Variants in CNTN5 observed in about 807,000 individuals in gnomAD.
CNTN5 encodes contactin-5.
A neutral mutation model predicts 129.1 loss-of-function variants in CNTN5; 77 were observed. The observed-to-expected ratio is 0.60, with a 90% CI of 0.50 to 0.72. CNTN5 has a LOEUF of 0.72. Ranked by LOEUF, CNTN5 falls within the 30% of genes least tolerant of loss-of-function variation. CNTN5 has a pLI of 0.00. For missense variants in CNTN5, 1,478 were observed against 1,328.8 expected (o/e 1.11, Z -1.75); for synonymous variants, 509 against 465.6 (o/e 1.09, Z -1.20).
Position 99,683,607 on chromosome 11 carries a change from G to A in CNTN5, c.55+127338G>A, listed in dbSNP as rs144129912. ...GTTCTTCTTCAAAATCATTTTGCCT[G>A]ATCTGGGTAATTTGCATTTTCATAA... On this transcript the variant is annotated intron_variant, in intron 3 of 24. Coordinates refer to ENST00000524871, the MANE Select transcript of CNTN5 (RefSeq NM_014361.4). Among the ~76,000 whole-genome samples the A allele has an allele frequency of 2.1e-4, 32 of 151,886 alleles. No homozygotes were observed. The East Asian group carries it at 6.2e-3, about 29-fold the overall frequency.
rs1159381318 is a variant in CNTN5 at position 99,819,669 on chromosome 11, A to G, written c.181A>G (p.Thr61Ala). The G allele has an allele frequency of 1.2e-6, 2 of 1,612,860 alleles. No individual in the cohort carries two copies. The highest frequency in any genetic ancestry group is 1.3e-5 in the African/African-American group (1 of 74,966). Residue 61 changes from threonine (T) to alanine (A), a missense_variant, in exon 4 of 25, where the codon ACA (threonine) becomes GCA (alanine). By Grantham distance (58) the Thr-to-Ala change is moderately conservative (BLOSUM62 0). Coordinates refer to ENST00000524871, the MANE Select transcript of CNTN5 (RefSeq NM_014361.4). Reference protein sequence around the residue: ...RPRYSSPSLGTLSASSPSWLG... With the variant: ...RPRYSSPSLGALSASSPSWLG... ...ACGATACAGCAGCCCTTCATTAGGA[A>G]CACTGAGTGCTTCTTCACCCAGCTG...
At position 99,566,417 on chromosome 11, in the gene CNTN5, G is replaced by A. The variant is rs767360936; in HGVS notation, c.55+10148G>A. ...GCTTCAGATATTTCTTTATAGACAC[G>A]TAAGAACGAACTAACACACATGCAC... On this transcript the variant is annotated intron_variant, in intron 3 of 24. Coordinates refer to ENST00000524871, the MANE Select transcript of CNTN5 (RefSeq NM_014361.4). 7.9e-5 allele frequency among the ~76,000 whole-genome samples: 12 copies of A among 152,230 alleles called. No homozygotes were observed. The South Asian group carries it at 8.3e-4, about 11-fold the overall frequency.
intron 21 of CNTN5, among the ~76,000 whole-genome samples, chr11:100,310,418 A>C (rs569112621): frequency 3.9e-5 from 6 of 152,044 alleles, no homozygotes; most frequent in Non-Finnish European, 7.4e-5. Flanking sequence ...GAGGTCCTGC[A>C]AAGATCACAT....
At chr11:100,044,144 G>A (rs925159067) in intron 9 of CNTN5, among the ~76,000 whole-genome samples, 1 of 125,686 alleles carries the variant, frequency 8.0e-6, no homozygotes, top group African/African-American at 3.1e-5. Flanking sequence ...ACATGTGTAT[G>A]TACACACATA....
chr11:99,457,024 G>A (rs1040356584), intron 2 of CNTN5, among the ~76,000 whole-genome samples: 2 of 151,914 alleles, frequency 1.3e-5, no homozygotes, highest in Admixed American at 1.3e-4. Context: ...TGCCCTAACA[G>A]AATTTAAACT....
chr11:99,858,014 C>A (rs1022148866), intron 6 of CNTN5, among the ~76,000 whole-genome samples: 2 of 151,956 alleles, frequency 1.3e-5, no homozygotes, highest in African/African-American at 2.4e-5. Flanking sequence ...CTACCCAGTG[C>A]CACTGCCATA....
chr11:99,989,956 G>A (rs148314480), intron 8 of CNTN5, among the ~76,000 whole-genome samples: 4 of 152,124 alleles, frequency 2.6e-5, no homozygotes, highest in East Asian at 1.9e-4. Flanking sequence ...TAGTAGAGAC[G>A]GGGTTTCACC....
intron 13 of CNTN5, among the ~76,000 whole-genome samples, chr11:100,135,481 G>C (rs946629521): frequency 6.6e-6 from 1 of 151,982 alleles, no homozygotes; most frequent in Admixed American, 6.6e-5. Context: ...GGCCAGAAAA[G>C]ATTTTTTAAA....
chr11:99,293,971 T>C (rs1458336237), intron 1 of CNTN5, among the ~76,000 whole-genome samples: 1 of 152,018 alleles, frequency 6.6e-6, no homozygotes, highest in Non-Finnish European at 1.5e-5. Context: ...GGCATGTTAT[T>C]GCTTTTTTTT....
intron 6 of CNTN5, among the ~76,000 whole-genome samples, chr11:99,866,907 G>A (rs1175446156): frequency 6.6e-6 from 1 of 152,154 alleles, no homozygotes; most frequent in Non-Finnish European, 1.5e-5. Flanking sequence ...GTATAGATAG[G>A]TGGTCACCTG....
chr11:99,045,933 C>G (rs1457948227), intron 1 of CNTN5, among the ~76,000 whole-genome samples: 1 of 152,106 alleles, frequency 6.6e-6, no homozygotes, highest in Non-Finnish European at 1.5e-5. Flanking sequence ...ATAAATCAAG[C>G]TGCTGTCAGT....
At chr11:99,274,213 T>C (rs2135866396) in intron 1 of CNTN5, among the ~76,000 whole-genome samples, 1 of 151,858 alleles carries the variant, frequency 6.6e-6, no homozygotes, top group East Asian at 1.9e-4. Flanking sequence ...AGTAAGCTTA[T>C]TATATTTGCT....
chr11:100,297,260 T>A (rs1398153806), intron 18 of CNTN5, among the ~76,000 whole-genome samples: 2 of 151,594 alleles, frequency 1.3e-5, no homozygotes, highest in Non-Finnish European at 3.0e-5. Flanking sequence ...TCAGTGGCTC[T>A]GCAAGCCCCG....
chr11:100,271,087 T>C lies in CNTN5; in HGVS notation c.2165-5T>C. The stretch of plus-strand genomic sequence containing the variant: ...AATGACATGAAATTTCCTTCCTTTC[T>C]ATAGTCCCAGAAATCATAACAGGGG... On this transcript the variant is annotated splice_region_variant and splice_polypyrimidine_tract_variant and intron_variant, in intron 17 of 24. Transcript: ENST00000524871. The C allele has an allele frequency of 6.3e-7, 1 of 1,592,766 alleles. No individual in the cohort carries two copies. The highest frequency in any genetic ancestry group is 8.5e-7 in the Non-Finnish European group (1 of 1,172,906).
rs1438457399 is a variant in CNTN5, at chr11:99,684,546, G to A, written c.55+128277G>A. On this transcript the variant is annotated intron_variant, in intron 3 of 24. Coordinates refer to ENST00000524871, the MANE Select transcript of CNTN5 (RefSeq NM_014361.4). ...GCATAAAAATGCTGATAGCAGATAC[G>A]CTTTTCCTCTTTCTGAATCTTTGTT... Among the ~76,000 whole-genome samples the A allele has an allele frequency of 2.0e-5, 3 of 151,856 alleles. No homozygotes were observed. The East Asian group carries it at 5.8e-4, about 29-fold the overall frequency.
At chr11:100,322,395 T>C (rs1951713560) in intron 21 of CNTN5, among the ~76,000 whole-genome samples, 1 of 152,138 alleles carries the variant, frequency 6.6e-6, no homozygotes, top group African/African-American at 2.4e-5. Flanking sequence ...GCTAATTTTT[T>C]GTATTTTTAG....
chr11:99,898,973 T>C (rs2135941237), intron 6 of CNTN5, among the ~76,000 whole-genome samples: 1 of 152,122 alleles, frequency 6.6e-6, no homozygotes, highest in South Asian at 2.1e-4. Context: ...TGTTTCAAGT[T>C]AGATAGAATT....
chr11:99,845,004 T>C, intron 5 of CNTN5, 29 bp downstream of exon 5: 1 of 1,611,506 alleles, frequency 6.2e-7, no homozygotes, highest in Non-Finnish European at 8.5e-7. Flanking sequence ...TCATTTTTCT[T>C]AAGCCTTAAA....
intron 2 of CNTN5, among the ~76,000 whole-genome samples, chr11:99,443,207 A>T (rs1943911598): frequency 6.6e-6 from 1 of 152,230 alleles, no homozygotes; most frequent in South Asian, 2.1e-4. Context: ...CTACCTATCA[A>T]AATGCTCAGA....
Sources: allele counts gnomAD v4.1 joint callset (sites outside exome capture counted in the v4.1 genomes callset), GRCh38; gene constraint gnomAD v4.1.1; transcripts MANE v1.5; gene names NCBI Gene and HGNC (gene_info 2026-07-23, HGNC 2026-07-21).